CNTNAP2: variants seen among roughly 807,000 people sequenced by gnomAD.
CNTNAP2 encodes the protein contactin associated protein 2.
A neutral mutation model predicts 155.2 loss-of-function variants in CNTNAP2; 98 were observed. The ratio of observed to expected loss-of-function variants is 0.63; its 90% CI spans 0.54 to 0.75. The LOEUF is 0.75. CNTNAP2 is among the 30% of genes least tolerant of loss of function. The probability of loss-of-function intolerance (pLI) is 0.00; values close to 1 mark genes in which losing one functional copy is unlikely to be tolerated. For synonymous variants in CNTNAP2, 651 were observed against 631.2 expected (o/e 1.03, Z -0.47); for missense variants, 1,727 against 1,688.1 (o/e 1.02, Z -0.40).
At chr7:148,043,885 G>A (rs932147639) in intron 15 of CNTNAP2, among the ~76,000 whole-genome samples, 1 of 152,018 alleles carries the variant, frequency 6.6e-6, no homozygotes, top group East Asian at 1.9e-4. Context: ...TTTCATAACC[G>A]CTTTTAGCCC....
intron 1 of CNTNAP2, among the ~76,000 whole-genome samples, chr7:146,287,783 G>C (rs962488508): frequency 1.3e-5 from 2 of 152,122 alleles, no homozygotes; most frequent in Non-Finnish European, 2.9e-5. Context: ...TAAAGTTCCT[G>C]TTAATACAAG....
rs186176550 is a variant in CNTNAP2 at position 148,378,306 on chromosome 7, C to A, written c.3476-5343C>A. Among the ~76,000 whole-genome samples the A allele has an allele frequency of 3.9e-4, 26 of 67,500 alleles. 9 individuals carry two copies. Among genetic ancestry groups the A allele is most frequent in the African/African-American group, 9.4e-4 (26 of 27,648 alleles). The allele number at this position is 67,500 out of a possible 152,430, so 44.3% of individuals were successfully genotyped here. On this transcript the variant is annotated intron_variant, in intron 21 of 23. Transcript: ENST00000361727. ...GAATCCAGGAGGAAGCCCCACTCAG[C>A]GGGGGTCTCTGGTGTTCTAAAGTGA...
intron 1 of CNTNAP2, among the ~76,000 whole-genome samples, chr7:146,662,475 CTAT>C: frequency 6.6e-6 from 1 of 152,084 alleles, no homozygotes. Flanking sequence ...GGTTTGTTTT[CTAT>C]TATTGAGTTC....
At chr7:147,332,707 C>T (rs976482890) in intron 9 of CNTNAP2, among the ~76,000 whole-genome samples, 1 of 152,018 alleles carries the variant, frequency 6.6e-6, no homozygotes, top group Non-Finnish European at 1.5e-5. Flanking sequence ...ACTAATAGTA[C>T]AAGAATTAGC....
chr7:146,762,561 T>C (rs1412837987), intron 1 of CNTNAP2, among the ~76,000 whole-genome samples: 1 of 152,092 alleles, frequency 6.6e-6, no homozygotes, highest in Non-Finnish European at 1.5e-5. Context: ...ATCGTGCCAG[T>C]ACACTCCAGC....
chr7:147,608,723 G>A (rs930731991), intron 12 of CNTNAP2, among the ~76,000 whole-genome samples: 1 of 152,236 alleles, frequency 6.6e-6, no homozygotes, highest in African/African-American at 2.4e-5. Flanking sequence ...ACGCGTGTCT[G>A]TGTGAAGAGA....
chr7:148,024,584 T>C (rs1430672138), intron 15 of CNTNAP2, among the ~76,000 whole-genome samples: 1 of 152,186 alleles, frequency 6.6e-6, no homozygotes, highest in African/African-American at 2.4e-5. Flanking sequence ...AGGACCCAAC[T>C]TTTACACTCA....
At chr7:146,871,812 A>T (rs986054908) in intron 3 of CNTNAP2, among the ~76,000 whole-genome samples, 1 of 151,964 alleles carries the variant, frequency 6.6e-6, no homozygotes, top group Non-Finnish European at 1.5e-5. Flanking sequence ...ACATTGAGAA[A>T]CTATGCAAAT....
chr7:146,689,525 C>T (rs1440072344), intron 1 of CNTNAP2, among the ~76,000 whole-genome samples: 1 of 152,014 alleles, frequency 6.6e-6, no homozygotes, highest in African/African-American at 2.4e-5. Flanking sequence ...CCACCAACGT[C>T]CTTGAGAATC....
intron 4 of CNTNAP2, among the ~76,000 whole-genome samples, chr7:147,061,614 T>C (rs942435133): frequency 6.6e-6 from 1 of 152,192 alleles, no homozygotes; most frequent in African/African-American, 2.4e-5. Context: ...ATACTTACAG[T>C]GGCCCCTGTT....
chr7:146,285,979 T>C (rs1314557395), intron 1 of CNTNAP2, among the ~76,000 whole-genome samples: 1 of 28,530 alleles, frequency 3.5e-5, no homozygotes, highest in African/African-American at 4.9e-4. Flanking sequence ...CTTCCTTCTC[T>C]GTGTGTGTGT....
At chr7:148,369,506 A>G (rs1029871871) in intron 21 of CNTNAP2, among the ~76,000 whole-genome samples, 15 of 152,040 alleles carry the variant, frequency 9.9e-5, no homozygotes, top group African/African-American at 3.6e-4. Flanking sequence ...GGGATTACCA[A>G]CATAAGACAT....
At chr7:146,959,202 T>G (rs983539331) in intron 3 of CNTNAP2, among the ~76,000 whole-genome samples, 1 of 151,916 alleles carries the variant, frequency 6.6e-6, no homozygotes. Context: ...GTATTTTTAG[T>G]ACAGACAGCG....
intron 10 of CNTNAP2, among the ~76,000 whole-genome samples, chr7:147,438,013 G>T (rs899796270): frequency 6.6e-6 from 1 of 151,922 alleles, no homozygotes. Flanking sequence ...TTTTTTGTGT[G>T]CAGTCTTTAG....
At chr7:146,846,474 A>G (rs1276962833) in intron 3 of CNTNAP2, among the ~76,000 whole-genome samples, 1 of 152,164 alleles carries the variant, frequency 6.6e-6, no homozygotes, top group Non-Finnish European at 1.5e-5. Context: ...TTTTCTGTTT[A>G]TACTCCTCTT....
intron 11 of CNTNAP2, among the ~76,000 whole-genome samples, chr7:147,521,477 A>G (rs991240791): frequency 1.3e-5 from 2 of 152,232 alleles, no homozygotes; most frequent in African/African-American, 4.8e-5. Flanking sequence ...ATTACTGTCT[A>G]TGCAAAAACT....
At chr7:146,417,297 A>T (rs2129112548) in intron 1 of CNTNAP2, among the ~76,000 whole-genome samples, 1 of 152,254 alleles carries the variant, frequency 6.6e-6, no homozygotes, top group Non-Finnish European at 1.5e-5. Flanking sequence ...TAGTTATTTC[A>T]CTAACTAGTT....
At chr7:146,712,594 T>C (rs960665692) in intron 1 of CNTNAP2, among the ~76,000 whole-genome samples, 1 of 151,082 alleles carries the variant, frequency 6.6e-6, no homozygotes, top group African/African-American at 2.4e-5. Flanking sequence ...TCTCTTCACA[T>C]ATATGCCTGT....
chr7:147,525,601 A>G (rs959490514), intron 11 of CNTNAP2, among the ~76,000 whole-genome samples: 21 of 152,228 alleles, frequency 1.4e-4, no homozygotes, highest in Admixed American at 1.2e-3. Context: ...GTGATAAAAT[A>G]TTGGATATCT....
Sources: gnomAD v4.1 joint callset for allele counts (sites outside exome capture counted in the v4.1 genomes callset) on GRCh38, gnomAD v4.1.1 for gene constraint, MANE v1.5 for transcripts, NCBI Gene and HGNC (gene_info 2026-07-23, HGNC 2026-07-21) for gene names.